Variants in METTL15 observed in about 807,000 individuals in gnomAD.
The protein encoded by METTL15 is 12S rRNA N(4)-cytidine methyltransferase METTL15.
A neutral mutation model predicts 38.3 loss-of-function variants in METTL15; 34 were observed. That is an observed-to-expected ratio of 0.89 (90% CI 0.68 to 1.18). METTL15 has a LOEUF of 1.18. Ranked by LOEUF, METTL15 falls within the 50% of genes most tolerant of loss-of-function variation. METTL15 has a pLI of 0.00. For missense variants in METTL15, 438 were observed against 498.4 expected, an observed-to-expected ratio of 0.88 and a Z score of 1.15; for synonymous variants, 162 against 170.9, an observed-to-expected ratio of 0.95 and a Z score of 0.41.
intron 3 of METTL15, among the ~76,000 whole-genome samples, chr11:28,143,972 G>C (rs1849791355): frequency 6.6e-6 from 1 of 152,126 alleles, no homozygotes; most frequent in Non-Finnish European, 1.5e-5. Flanking sequence ...TTCATTTCCA[G>C]GTTAGGTTCT....
intron 3 of METTL15, among the ~76,000 whole-genome samples, chr11:28,158,391 C>T (rs1266576658): frequency 6.6e-6 from 1 of 152,180 alleles, no homozygotes; most frequent in Non-Finnish European, 1.5e-5. Context: ...ATGGGCTCAG[C>T]AACATGGACT....
rs186186300 is a variant in METTL15, at chr11:28,373,804, A to G, written c.*358+11768A>G. On this transcript the variant is annotated intron_variant and NMD_transcript_variant, in intron 5 of 7. Transcript: ENST00000532947. ...TAGGGTTTTTCTGGTTTTAGGTCTAACATTTAAGTCTTTAATCCATCTTGA... is the reference window on the plus strand; with the variant it reads ...TAGGGTTTTTCTGGTTTTAGGTCTAGCATTTAAGTCTTTAATCCATCTTGA... Among the ~76,000 whole-genome samples, 179 of 152,272 alleles carry G rather than the reference A, an allele frequency of 1.2e-3. 1 individual carries two copies. The highest frequency in any genetic ancestry group is 4.0e-3 in the African/African-American group (168 of 41,546).
intron 6 of METTL15, among the ~76,000 whole-genome samples, chr11:28,308,923 G>GATAA (rs1450324593): frequency 6.6e-6 from 1 of 152,020 alleles, no homozygotes; most frequent in East Asian, 1.9e-4. Context: ...TAGATAGATA[G>GATAA]ATAGATAGAT....
chr11:28,444,544 G>T (rs1023555736), intron 6 of METTL15, among the ~76,000 whole-genome samples: 1 of 152,128 alleles, frequency 6.6e-6, no homozygotes, highest in African/African-American at 2.4e-5. Flanking sequence ...TAGTAAATTT[G>T]CTGAGGTTTG....
In METTL15 at chr11:28,113,454, T is replaced by G. The variant is rs574443407; in HGVS notation, c.120T>G (p.Tyr40Ter). The G allele has an allele frequency of 5.6e-6, 9 of 1,611,618 alleles. No individual in the cohort carries two copies. Among genetic ancestry groups the G allele is most frequent in the Non-Finnish European group, 7.6e-6 (9 of 1,179,538 alleles). The change falls in exon 3 of 7, where the codon TAT becomes TAG. Residue 40 changes from tyrosine to a stop codon, truncating the protein, a stop_gained. Coordinates refer to ENST00000407364, the MANE Select transcript of METTL15 (RefSeq NM_001113528.2). LOFTEE classifies it high-confidence loss of function. Reference protein sequence around the residue: ...PNRIHTTAEKYREYEAREQTD... With the variant: ...PNRIHTTAEK The stretch of plus-strand genomic sequence containing the variant: ...GAATACATACTACAGCAGAAAAATA[T>G]AGAGAATATGAAGCCCGGGAGCAAA...
chr11:28,349,414 G>A (rs548878093), intron 3 of METTL15, among the ~76,000 whole-genome samples: 16 of 152,272 alleles, frequency 1.1e-4, no homozygotes, highest in African/African-American at 2.9e-4. Flanking sequence ...ACAATGGAAG[G>A]CAGGATACTA....
At chr11:28,430,014 A>G (rs1262566209) in intron 6 of METTL15, among the ~76,000 whole-genome samples, 19 of 126,626 alleles carry the variant, frequency 1.5e-4, no homozygotes, top group African/African-American at 5.9e-4. Context: ...CCGCCGCCCC[A>G]TCTGGGATGT....
At chr11:28,273,868 G>T (rs1215980062) in intron 4 of METTL15, among the ~76,000 whole-genome samples, 2 of 152,016 alleles carry the variant, frequency 1.3e-5, no homozygotes, top group East Asian at 3.8e-4. Flanking sequence ...ACAAAAATTA[G>T]ATTCTAAGGC....
chr11:28,366,442 C>A (rs1439660282), intron 5 of METTL15, among the ~76,000 whole-genome samples: 2 of 152,026 alleles, frequency 1.3e-5, no homozygotes, highest in Non-Finnish European at 2.9e-5. Flanking sequence ...GGACTAGGAG[C>A]AATGAGTAGA....
chr11:28,216,018 G>A (rs1341239043), intron 4 of METTL15, among the ~76,000 whole-genome samples: 1 of 152,036 alleles, frequency 6.6e-6, no homozygotes, highest in Admixed American at 6.6e-5. Context: ...ATGGGTGGAT[G>A]GATGGATGCA....
At chr11:28,255,835 C>A (rs2133930743) in intron 4 of METTL15, among the ~76,000 whole-genome samples, 1 of 152,310 alleles carries the variant, frequency 6.6e-6, no homozygotes, top group East Asian at 1.9e-4. Flanking sequence ...TCCCAAGTGT[C>A]TGGGATTACA....
intron 4 of METTL15, 97 bp downstream of exon 4, chr11:28,211,295 A>G (rs906143527): frequency 6.6e-6 from 7 of 1,064,268 alleles, no homozygotes; most frequent in Non-Finnish European, 9.1e-6. Context: ...CATGGGCTAT[A>G]TTTTACTCCA....
intron 6 of METTL15, among the ~76,000 whole-genome samples, chr11:28,523,994 C>A (rs931517057): frequency 2.0e-5 from 3 of 152,126 alleles, no homozygotes; most frequent in Admixed American, 6.5e-5. Context: ...AGGATAGATC[C>A]CTAAAATGCG....
intron 4 of METTL15, among the ~76,000 whole-genome samples, chr11:28,265,217 C>G (rs185664936): frequency 6.6e-6 from 1 of 151,828 alleles, no homozygotes; most frequent in East Asian, 2.0e-4. Context: ...TTTAGTGGAT[C>G]ATAGGGAGAC....
chr11:28,211,979 A>G (rs1163059383), intron 4 of METTL15, among the ~76,000 whole-genome samples: 2 of 152,006 alleles, frequency 1.3e-5, no homozygotes, highest in Non-Finnish European at 2.9e-5. Context: ...TCACATCAAA[A>G]GTTGAAGTTT....
intron 3 of METTL15, among the ~76,000 whole-genome samples, chr11:28,113,912 G>A (rs1455676994): frequency 2.0e-5 from 3 of 152,156 alleles, no homozygotes; most frequent in South Asian, 4.1e-4. Flanking sequence ...AGTGTTCTGA[G>A]CATGTTTAAG....
intron 6 of METTL15, among the ~76,000 whole-genome samples, chr11:28,479,151 G>T (rs1851373751): frequency 6.6e-6 from 1 of 151,768 alleles, no homozygotes; most frequent in Non-Finnish European, 1.5e-5. Flanking sequence ...TAAGAATAAA[G>T]GAAAGGGTTG....
intron 3 of METTL15, among the ~76,000 whole-genome samples, chr11:28,171,425 G>A (rs377737635): frequency 6.6e-6 from 1 of 152,126 alleles, no homozygotes; most frequent in South Asian, 2.1e-4. Flanking sequence ...AAGAGAGGAT[G>A]TATATGAAAA....
intron 4 of METTL15, among the ~76,000 whole-genome samples, chr11:28,248,228 T>C (rs571398394): frequency 8.5e-4 from 129 of 152,214 alleles, no homozygotes; most frequent in African/African-American, 3.0e-3. Context: ...TCCTGCCCCA[T>C]GAACAATGAG....
Sources: gnomAD v4.1 joint callset for allele counts (sites outside exome capture counted in the v4.1 genomes callset) on GRCh38, gnomAD v4.1.1 for gene constraint, MANE v1.5 for transcripts, NCBI Gene and HGNC (gene_info 2026-07-23, HGNC 2026-07-21) for gene names.